ALK: variants seen among roughly 807,000 people sequenced by gnomAD.
ALK encodes the protein ALK tyrosine kinase receptor.
Under a neutral mutation model 163.1 loss-of-function variants are expected in ALK, and 74 were observed. That is an observed-to-expected ratio of 0.45 (90% CI 0.38 to 0.55). The LOEUF (loss-of-function observed/expected upper bound fraction) is 0.55. Ranked by LOEUF, ALK falls within the 20% of genes least tolerant of loss-of-function variation. The pLI, the probability that ALK is intolerant of heterozygous loss-of-function variation, is 0.00. For missense variants in ALK, 2,063 were observed against 2,105.3 expected (o/e 0.98, Z 0.39); for synonymous variants, 960 against 843.2 (o/e 1.14, Z -2.40).
intron 2 of ALK, among the ~76,000 whole-genome samples, chr2:29,712,737 AT>A (rs1679138203): frequency 6.6e-6 from 1 of 152,054 alleles, no homozygotes; most frequent in Non-Finnish European, 1.5e-5. Flanking sequence ...AAAAAGTCTA[AT>A]TTTTCTTTCT....
chr2:29,478,564 T>A (rs1213330056), intron 4 of ALK, among the ~76,000 whole-genome samples: 2 of 152,366 alleles, frequency 1.3e-5, no homozygotes, highest in African/African-American at 4.8e-5. Context: ...AGCTTTGAAG[T>A]AATGAGCTCA....
At chr2:29,228,810 G>T in intron 16 of ALK, 74 bp downstream of exon 16, 1 of 985,350 alleles carries the variant, frequency 1.0e-6, no homozygotes. Context: ...GGGCAGGGGA[G>T]GGCAGGGCAG....
intron 4 of ALK, among the ~76,000 whole-genome samples, chr2:29,400,470 C>T (rs916780010): frequency 2.6e-5 from 4 of 152,142 alleles, no homozygotes; most frequent in Admixed American, 2.6e-4. Flanking sequence ...TGTTACCATG[C>T]AAGGCTGCTG....
chr2:29,592,507 T>A (rs1192303842), intron 3 of ALK, among the ~76,000 whole-genome samples: 1 of 152,130 alleles, frequency 6.6e-6, no homozygotes, highest in Non-Finnish European at 1.5e-5. Flanking sequence ...GTTTATTCTT[T>A]CCCTCTACCT....
At chr2:29,889,719 G>C (rs868409164) in intron 1 of ALK, among the ~76,000 whole-genome samples, 33 of 121,768 alleles carry the variant, frequency 2.7e-4, no homozygotes, top group Middle Eastern at 3.7e-3. Flanking sequence ...GAGAGAGAGA[G>C]AGAGAGAGAG....
intron 1 of ALK, among the ~76,000 whole-genome samples, chr2:29,759,472 G>T (rs1680639974): frequency 6.6e-6 from 1 of 152,230 alleles, no homozygotes. Flanking sequence ...TAAGTGGAGA[G>T]TGGAGAAAGA....
intron 27 of ALK, 145 bp downstream of exon 27, chr2:29,197,397 C>G (rs570746596): frequency 1.7e-6 from 2 of 1,207,290 alleles, no homozygotes; most frequent in East Asian, 2.5e-5. Context: ...TCACTGAAGT[C>G]GCAGTCACAT....
At chr2:29,319,851 A>G (rs2148249881) in intron 7 of ALK, among the ~76,000 whole-genome samples, 1 of 152,370 alleles carries the variant, frequency 6.6e-6, no homozygotes, top group East Asian at 1.9e-4. Flanking sequence ...GTGGGGACTG[A>G]GCCAACTCAC....
intron 1 of ALK, among the ~76,000 whole-genome samples, chr2:29,721,874 T>TA (rs1679433170): frequency 6.6e-6 from 1 of 152,238 alleles, no homozygotes; most frequent in East Asian, 1.9e-4. Flanking sequence ...CTAAATCTAT[T>TA]AAAAGATTTG....
chr2:29,226,204 T>C (rs894384538), intron 18 of ALK, among the ~76,000 whole-genome samples: 2 of 151,714 alleles, frequency 1.3e-5, no homozygotes, highest in African/African-American at 4.8e-5. Context: ...TGGGGCCAGG[T>C]GCGGTGGCTC....
intron 3 of ALK, among the ~76,000 whole-genome samples, chr2:29,568,279 C>T (rs1447452597): frequency 6.6e-6 from 1 of 152,232 alleles, no homozygotes; most frequent in African/African-American, 2.4e-5. Context: ...CAGTGACTGA[C>T]AAAGGCACTA....
At chr2:29,555,195 G>A (rs1673818670) in intron 3 of ALK, among the ~76,000 whole-genome samples, 2 of 152,030 alleles carry the variant, frequency 1.3e-5, no homozygotes, top group African/African-American at 4.8e-5. Context: ...GGTTCTGCAT[G>A]GGGACCCCTT....
intron 9 of ALK, among the ~76,000 whole-genome samples, chr2:29,291,924 T>C (rs1322925003): frequency 6.6e-6 from 1 of 152,200 alleles, no homozygotes; most frequent in Non-Finnish European, 1.5e-5. Context: ...CCACATAAAA[T>C]GAGAATTCTG....
chr2:29,920,738 GAAC>G lies in ALK; in HGVS notation c.-82_-80del. The stretch of plus-strand genomic sequence containing the variant: ...TCTCCCCGAGATGGGAAGAGGCTCT[GAAC>G]AGTCCTTGGTACCCAGCGGCTCCTT... On this transcript the variant is annotated 5_prime_UTR_variant, in exon 1 of 29. Transcript: ENST00000389048. 1 of 1,312,536 alleles carries G rather than the reference GAAC, an allele frequency of 7.6e-7. No homozygotes were observed. The allele number at this position is 1,312,536 out of a possible 1,614,324, so 81.3% of individuals were successfully genotyped here. A position where few individuals can be genotyped will look rare whatever the true frequency, so the allele number is the denominator to read the frequency against.
At chr2:29,872,632 T>C (rs1666609437) in intron 1 of ALK, among the ~76,000 whole-genome samples, 1 of 152,188 alleles carries the variant, frequency 6.6e-6, no homozygotes, top group South Asian at 2.1e-4. Context: ...GGTATCATAC[T>C]GCATATCATT....
intron 4 of ALK, among the ~76,000 whole-genome samples, chr2:29,524,016 G>A (rs924112091): frequency 4.6e-5 from 7 of 152,064 alleles, no homozygotes; most frequent in African/African-American, 1.4e-4. Context: ...GAGCCCCAGG[G>A]AGGGTTGCAC....
chr2:29,401,068 C>T (rs1208097346), intron 4 of ALK, among the ~76,000 whole-genome samples: 1 of 152,140 alleles, frequency 6.6e-6, no homozygotes, highest in Non-Finnish European at 1.5e-5. Flanking sequence ...TTACCCCTTA[C>T]AAATTGCTGT....
intron 2 of ALK, among the ~76,000 whole-genome samples, chr2:29,699,308 C>T (rs1428124761): frequency 1.3e-5 from 2 of 152,192 alleles, no homozygotes. Context: ...CACTGTACCT[C>T]ATCTGCAGAA....
chr2:29,272,848 T>C (rs976896073), intron 11 of ALK, among the ~76,000 whole-genome samples: 1 of 152,208 alleles, frequency 6.6e-6, no homozygotes, highest in African/African-American at 2.4e-5. Context: ...TAGAAGTAGC[T>C]TAGTTGGGTG....
Sources: allele counts gnomAD v4.1 joint callset (sites outside exome capture counted in the v4.1 genomes callset), GRCh38; gene constraint gnomAD v4.1.1; transcripts MANE v1.5; gene names NCBI Gene and HGNC (gene_info 2026-07-23, HGNC 2026-07-21).